FHIT: variants seen among roughly 807,000 people sequenced by gnomAD.
The protein encoded by FHIT is fragile histidine triad diadenosine triphosphatase, also known as bis(5'-adenosyl)-triphosphatase.
FHIT carries 19 observed loss-of-function variants against 17.9 expected under a neutral mutation model. The observed-to-expected ratio is 1.06, with a 90% CI of 0.74 to 1.56. The LOEUF (loss-of-function observed/expected upper bound fraction) is 1.56. FHIT is among the 40% of genes most tolerant of loss of function. FHIT has a pLI of 0.00. For synonymous variants in FHIT, 81 were observed against 69.7 expected (o/e 1.16, Z -0.81); for missense variants, 248 against 189.2 (o/e 1.31, Z -1.82).
intron 5 of FHIT, among the ~76,000 whole-genome samples, chr3:60,093,236 T>C (rs887042755): frequency 7.2e-5 from 11 of 152,132 alleles, no homozygotes; most frequent in Admixed American, 5.9e-4. Context: ...AGAGGTGACT[T>C]CCTTTCCAGA....
At chr3:61,211,440 C>G (rs901967319) in intron 1 of FHIT, among the ~76,000 whole-genome samples, 4 of 152,188 alleles carry the variant, frequency 2.6e-5, no homozygotes, top group Non-Finnish European at 5.9e-5. Flanking sequence ...AAGGCAGCAG[C>G]GAGGCTGGGG....
intron 5 of FHIT, among the ~76,000 whole-genome samples, chr3:60,341,461 T>C (rs1710512011): frequency 6.6e-6 from 1 of 152,154 alleles, no homozygotes; most frequent in East Asian, 1.9e-4. Flanking sequence ...AAAGGCAGGA[T>C]TGAATGAGAA....
At chr3:60,291,416 G>A (rs1050313332) in intron 5 of FHIT, among the ~76,000 whole-genome samples, 2 of 151,908 alleles carry the variant, frequency 1.3e-5, no homozygotes, top group Non-Finnish European at 2.9e-5. Context: ...TATCTGAGCT[G>A]TGCCATGTTG....
chr3:59,849,653 G>A (rs1344647136), intron 8 of FHIT, among the ~76,000 whole-genome samples: 1 of 152,164 alleles, frequency 6.6e-6, no homozygotes, highest in South Asian at 2.1e-4. Flanking sequence ...TGGAAGAGAT[G>A]AAACAAGAGA....
At chr3:59,987,935 GA>G (rs1709058258) in intron 7 of FHIT, among the ~76,000 whole-genome samples, 1 of 152,018 alleles carries the variant, frequency 6.6e-6, no homozygotes, top group Non-Finnish European at 1.5e-5. Flanking sequence ...AATATATTTT[GA>G]AAAGGGGAAC....
At chr3:59,976,344 G>A (rs1397985888) in intron 7 of FHIT, among the ~76,000 whole-genome samples, 4 of 151,988 alleles carry the variant, frequency 2.6e-5, no homozygotes, top group Non-Finnish European at 5.9e-5. Flanking sequence ...TTAACAATCA[G>A]CAACTATCAT....
chr3:60,220,184 C>A (rs1470095361), intron 5 of FHIT, among the ~76,000 whole-genome samples: 1 of 152,038 alleles, frequency 6.6e-6, no homozygotes, highest in Non-Finnish European at 1.5e-5. Context: ...CCTAAATGGG[C>A]CTGAATAATT....
At chr3:61,092,558 C>T (rs936585986) in intron 2 of FHIT, among the ~76,000 whole-genome samples, 7 of 151,634 alleles carry the variant, frequency 4.6e-5, no homozygotes, top group African/African-American at 7.3e-5. Context: ...AAAAAACTTC[C>T]GTATTAGAAT....
At chr3:61,001,144 A>C (rs2031053120) in intron 3 of FHIT, among the ~76,000 whole-genome samples, 2 of 152,244 alleles carry the variant, frequency 1.3e-5, no homozygotes, top group South Asian at 4.1e-4. Context: ...AAAATAAAAA[A>C]GCAGTGATAA....
chr3:61,156,196 T>C (rs2037528873), intron 2 of FHIT, among the ~76,000 whole-genome samples: 1 of 152,222 alleles, frequency 6.6e-6, no homozygotes, highest in Admixed American at 6.5e-5. Flanking sequence ...GATTTTGCTT[T>C]TTATCCTGCT....
chr3:60,572,498 C>G lies in FHIT; in HGVS notation c.-17-35519G>C, dbSNP rs2037418895. Among the ~76,000 whole-genome samples the G allele has an allele frequency of 5.3e-5, 8 of 151,800 alleles. No individual in the cohort carries two copies. The South Asian group carries it at 1.7e-3, about 32-fold the overall frequency. Reference sequence around the variant, plus strand: ...TAACATAATGGCTAAAAATCCACAGCCAATATTTTCAGAAAGATCACACAA... The same window carrying G: ...TAACATAATGGCTAAAAATCCACAGGCAATATTTTCAGAAAGATCACACAA... On this transcript the variant is annotated intron_variant, in intron 4 of 9. Coordinates refer to ENST00000492590, the MANE Select transcript of FHIT (RefSeq NM_002012.4).
At chr3:60,383,501 C>T (rs984353845) in intron 5 of FHIT, among the ~76,000 whole-genome samples, 10 of 151,832 alleles carry the variant, frequency 6.6e-5, no homozygotes, top group Admixed American at 6.6e-4. Context: ...AGGGATTCTG[C>T]TAAATATACT....
At chr3:60,757,523 G>C (rs532464693) in intron 4 of FHIT, among the ~76,000 whole-genome samples, 43 of 152,344 alleles carry the variant, frequency 2.8e-4, no homozygotes, top group East Asian at 3.9e-4. Flanking sequence ...CAAGCATGTC[G>C]AGGGTTGAAG....
At chr3:59,844,319 T>C (rs1017108402) in intron 8 of FHIT, among the ~76,000 whole-genome samples, 4 of 152,184 alleles carry the variant, frequency 2.6e-5, no homozygotes, top group Non-Finnish European at 5.9e-5. Context: ...GCTAGGACTT[T>C]AAGTACTATG....
chr3:60,426,576 C>T (rs1429915219), intron 5 of FHIT, among the ~76,000 whole-genome samples: 3 of 152,104 alleles, frequency 2.0e-5, no homozygotes, highest in African/African-American at 7.2e-5. Context: ...CAAAACCTGA[C>T]TCCAACCCCT....
intron 5 of FHIT, among the ~76,000 whole-genome samples, chr3:60,082,115 A>T (rs1050340622): frequency 6.7e-6 from 1 of 148,834 alleles, no homozygotes; most frequent in Non-Finnish European, 1.5e-5. Context: ...TCAATCCTTG[A>T]CCCCCTCCTT....
intron 4 of FHIT, among the ~76,000 whole-genome samples, chr3:60,614,957 G>C (rs1470827410): frequency 1.3e-5 from 2 of 151,478 alleles, no homozygotes; most frequent in African/African-American, 4.9e-5. Flanking sequence ...AGTCTCCCGG[G>C]TAGCTGGGAC....
chr3:60,950,981 G>T (rs1181822764), intron 3 of FHIT, among the ~76,000 whole-genome samples: 1 of 152,164 alleles, frequency 6.6e-6, no homozygotes, highest in African/African-American at 2.4e-5. Flanking sequence ...GCTAAGAACA[G>T]TAGAAGAGAA....
intron 7 of FHIT, among the ~76,000 whole-genome samples, chr3:59,932,915 G>C (rs935704604): frequency 1.3e-5 from 2 of 151,916 alleles, no homozygotes; most frequent in African/African-American, 4.8e-5. Flanking sequence ...TGCTCCTTGG[G>C]CTTCCTCCAG....
Sources: gnomAD v4.1 joint callset for allele counts (sites outside exome capture counted in the v4.1 genomes callset) on GRCh38, gnomAD v4.1.1 for gene constraint, MANE v1.5 for transcripts, NCBI Gene and HGNC (gene_info 2026-07-23, HGNC 2026-07-21) for gene names.